ZMYM2: variants seen among roughly 807,000 people sequenced by gnomAD.
ZMYM2 encodes zinc finger MYM-type containing 2.
Under a neutral mutation model 162.8 loss-of-function variants are expected in ZMYM2, and 56 were observed. The ratio of observed to expected loss-of-function variants is 0.34; its 90% CI spans 0.28 to 0.43. The LOEUF is 0.43. Ranked by LOEUF, ZMYM2 falls within the 20% of genes least tolerant of loss-of-function variation. The probability of loss-of-function intolerance (pLI) is 1.00; values close to 1 mark genes in which losing one functional copy is unlikely to be tolerated. For missense variants in ZMYM2, 1,275 were observed against 1,621.8 expected (o/e 0.79, Z 3.67); for synonymous variants, 510 against 541.6 (o/e 0.94, Z 0.81).
At chr13:20,020,668 T>C (rs1952006648) in intron 7 of ZMYM2, among the ~76,000 whole-genome samples, 1 of 152,176 alleles carries the variant, frequency 6.6e-6, no homozygotes, top group Admixed American at 6.5e-5. Flanking sequence ...TGTATTGTTT[T>C]TGTACTGTTT....
chr13:19,993,206 G>A lies in ZMYM2; in HGVS notation c.134G>A (p.Arg45Lys). The A allele has an allele frequency of 6.2e-7, 1 of 1,613,966 alleles. No homozygotes were observed. Among genetic ancestry groups the A allele is most frequent in the African/African-American group, 1.3e-5 (1 of 75,024 alleles). Residue 45 changes from arginine (R) to lysine (K), a missense_variant, in exon 3 of 25, where the codon AGA becomes AAA. By Grantham distance (26) the Arg-to-Lys change is conservative. Transcript: ENST00000610343. ...GGTCCAGCTAATCCTTTAGTGTCTA[G>A]ATCTAATAAGTTTCAGAACTCGTCA... ...FSGPANPLVSRSNKFQNSSVE... is the reference protein window; with the variant it reads ...FSGPANPLVSKSNKFQNSSVE...
chr13:20,058,390 T>C (rs903516946), intron 14 of ZMYM2, among the ~76,000 whole-genome samples, 185 bp from the exon 15 acceptor site: 3 of 152,218 alleles, frequency 2.0e-5, no homozygotes, highest in Non-Finnish European at 2.9e-5. Context: ...TGCTAGTAGT[T>C]AGGATAGATT....
At chr13:20,047,499 TA>T (rs1302446790) in intron 12 of ZMYM2, among the ~76,000 whole-genome samples, 1 of 152,178 alleles carries the variant, frequency 6.6e-6, no homozygotes, top group Non-Finnish European at 1.5e-5. Context: ...CACAGAAACT[TA>T]AAAATCAACA....
chr13:20,087,116 C>G lies in ZMYM2; in HGVS notation c.*1102C>G, dbSNP rs901079853. The G allele has an allele frequency of 4.9e-5, 9 of 185,496 alleles. No individual in the cohort carries two copies. The highest frequency in any genetic ancestry group is 9.1e-5 in the Non-Finnish European group (8 of 87,660). The allele number at this position is 185,496 out of a possible 1,614,324, so 11.5% of individuals were successfully genotyped here. A position where few individuals can be genotyped will look rare whatever the true frequency, so the allele number is the denominator to read the frequency against. On this transcript the variant is annotated 3_prime_UTR_variant, in exon 25 of 25. Transcript: ENST00000610343. The stretch of plus-strand genomic sequence containing the variant: ...AGCTATGTTAAATAAGATAGGATCA[C>G]ATTTTATAATGAAGATTACCAGTGT...
intron 6 of ZMYM2, among the ~76,000 whole-genome samples, chr13:20,012,316 T>C (rs1356324113): frequency 6.6e-6 from 1 of 152,120 alleles, no homozygotes; most frequent in African/African-American, 2.4e-5. Context: ...GCTAGGACTA[T>C]AGGCATAGGC....
chr13:19,995,947 C>G (rs1459368950), intron 3 of ZMYM2, among the ~76,000 whole-genome samples: 1 of 152,110 alleles, frequency 6.6e-6, no homozygotes, highest in Non-Finnish European at 1.5e-5. Context: ...GCCAGGATTG[C>G]ACCACTGTAT....
At chr13:20,026,844 G>T in intron 8 of ZMYM2, 82 bp downstream of exon 8, 1 of 1,397,304 alleles carries the variant, frequency 7.2e-7, no homozygotes, top group African/African-American at 1.5e-5. Context: ...ATGTTTTTAT[G>T]CTTGTTTTTA....
chr13:20,037,397 G>T (rs1483268224), intron 12 of ZMYM2, among the ~76,000 whole-genome samples: 1 of 151,608 alleles, frequency 6.6e-6, no homozygotes, highest in East Asian at 1.9e-4. Flanking sequence ...TATTCTTTTA[G>T]TAGAGACAGG....
chr13:20,063,088 G>T, intron 18 of ZMYM2, 117 bp downstream of exon 18: 1 of 1,246,692 alleles, frequency 8.0e-7, no homozygotes, highest in Non-Finnish European at 1.1e-6. Flanking sequence ...TTTTATTCTT[G>T]TTATTTTTTA....
chr13:19,916,274 T>C, the ZMYM2 span, among the ~76,000 whole-genome samples: 1 of 152,074 alleles, frequency 6.6e-6, no homozygotes, highest in Non-Finnish European at 1.5e-5. Context: ...GGAGTGTAAA[T>C]TAGTTCAACC....
At chr13:20,063,342 G>T (rs1956372712) in intron 18 of ZMYM2, among the ~76,000 whole-genome samples, 1 of 147,444 alleles carries the variant, frequency 6.8e-6, no homozygotes, top group South Asian at 2.2e-4. Flanking sequence ...GGTAGAGGTT[G>T]CAGTGAGCCG....
rs745854601 is a variant in ZMYM2, at chr13:20,067,019, TGTAA to T, written c.3301+3_3301+6del. 1 of 1,592,460 alleles carries T rather than the reference TGTAA, an allele frequency of 6.3e-7. No homozygotes were observed. On this transcript the variant is annotated splice_donor_variant and splice_donor_region_variant and intron_variant, in intron 20 of 24. Transcript: ENST00000610343. LOFTEE classifies it high-confidence loss of function. ...TCTGGTATTAGATGAGTTAAAATCTTGTAAGTGTTTTAATTTTGTTTCTCCTAAG... is the reference window on the plus strand; with the variant it reads ...TCTGGTATTAGATGAGTTAAAATCTTGTGTTTTAATTTTGTTTCTCCTAAG...
At chr13:20,039,694 T>G (rs1483782471) in intron 12 of ZMYM2, among the ~76,000 whole-genome samples, 1 of 152,158 alleles carries the variant, frequency 6.6e-6, no homozygotes, top group African/African-American at 2.4e-5. Flanking sequence ...GCCAGGATGG[T>G]CTCGATTCCC....
Position 19,993,476 on chromosome 13 carries a change from C to A in ZMYM2, c.404C>A (p.Ser135Tyr). 6.2e-7 allele frequency: 1 copy of A among 1,614,004 alleles called. No individual in the cohort carries two copies. The highest frequency in any genetic ancestry group is 8.5e-7 in the Non-Finnish European group (1 of 1,179,984). ...METNQGQEKN[S>Y]SNFIERRPPE... ...ACAAATCAAGGGCAAGAGAAAAATT[C>A]CTCCAATTTTATTGAACGAAGACCT... The change falls in exon 3 of 25, where the codon TCC becomes TAC. Residue 135 changes from serine (S) to tyrosine (Y), a missense_variant. Ser to Tyr is a moderately radical substitution (Grantham distance 144). Around this residue, in one of 10 missense-constraint regions of ZMYM2, gnomAD observed 295 missense variants for 286.7 expected, o/e 1.03. Transcript: ENST00000610343.
chr13:19,996,340 G>T (rs1358557353), intron 3 of ZMYM2, among the ~76,000 whole-genome samples: 1 of 152,106 alleles, frequency 6.6e-6, no homozygotes, highest in Non-Finnish European at 1.5e-5. Flanking sequence ...CAGCACTTTG[G>T]GAGACCAAGG....
the ZMYM2 span, among the ~76,000 whole-genome samples, chr13:19,926,231 G>T: frequency 6.6e-6 from 1 of 151,772 alleles, no homozygotes; most frequent in African/African-American, 2.4e-5. Flanking sequence ...AAAGTGCTGT[G>T]ATTACAGGCA....
chr13:20,063,100 A>G, intron 18 of ZMYM2, 129 bp downstream of exon 18: 2 of 1,159,290 alleles, frequency 1.7e-6, no homozygotes, highest in Non-Finnish European at 2.3e-6. Context: ...TATTTTTTAA[A>G]CTCACCTTAA....
intron 19 of ZMYM2, chr13:20,066,641 T>A (rs1277460113): frequency 7.6e-6 from 3 of 392,348 alleles, no homozygotes; most frequent in Non-Finnish European, 1.3e-5. Flanking sequence ...TTGATCTTGC[T>A]GTCTCAGGTG....
intron 2 of ZMYM2, among the ~76,000 whole-genome samples, chr13:19,984,578 G>C (rs1258399616): frequency 1.3e-5 from 2 of 152,232 alleles, no homozygotes; most frequent in Admixed American, 6.5e-5. Flanking sequence ...TAAATAGTTA[G>C]AATTGACTGG....
Sources: allele counts gnomAD v4.1 joint callset (sites outside exome capture counted in the v4.1 genomes callset), GRCh38; gene constraint gnomAD v4.1.1; regional missense constraint gnomAD v4.1.1; transcripts MANE v1.5; gene names NCBI Gene and HGNC (gene_info 2026-07-23, HGNC 2026-07-21).